Variants in PRKG1 observed in about 807,000 individuals in gnomAD.
PRKG1 encodes protein kinase cGMP-dependent 1.
In PRKG1, 35 loss-of-function variants were observed where a neutral mutation model predicts 88.1. The observed-to-expected ratio is 0.40, with a 90% CI of 0.30 to 0.53. The LOEUF (loss-of-function observed/expected upper bound fraction) is 0.53. Among genes scored for constraint, PRKG1 ranks in the 20% least tolerant of loss-of-function variants. The pLI is 0.59. For missense variants in PRKG1, 540 were observed against 839.8 expected, an observed-to-expected ratio of 0.64 and a Z score of 4.41; for synonymous variants, 303 against 292.5, an observed-to-expected ratio of 1.04 and a Z score of -0.37.
intron 3 of PRKG1, among the ~76,000 whole-genome samples, chr10:51,789,075 G>A (rs1359544249): frequency 2.0e-5 from 3 of 152,138 alleles, no homozygotes; most frequent in African/African-American, 7.2e-5. Flanking sequence ...ACTTTTTAAA[G>A]ATGTTTGCTT....
intron 7 of PRKG1, chr10:52,062,859 A>G: frequency 1.4e-6 from 1 of 703,870 alleles, no homozygotes; most frequent in Non-Finnish European, 2.6e-6. Flanking sequence ...TGTTATATTA[A>G]TTGGAAACAT....
chr10:52,024,663 C>A (rs556405642), intron 5 of PRKG1, among the ~76,000 whole-genome samples: 3 of 152,200 alleles, frequency 2.0e-5, no homozygotes, highest in Non-Finnish European at 2.9e-5. Context: ...ATGAACTCAT[C>A]CTTTTTTATG....
intron 2 of PRKG1, among the ~76,000 whole-genome samples, chr10:51,242,401 G>T (rs1220738442): frequency 6.6e-6 from 1 of 152,152 alleles, no homozygotes; most frequent in East Asian, 1.9e-4. Flanking sequence ...ATATTAGATT[G>T]GATAGGGTAT....
chr10:51,769,905 G>A (rs1374670503), intron 3 of PRKG1, among the ~76,000 whole-genome samples: 1 of 152,324 alleles, frequency 6.6e-6, no homozygotes, highest in South Asian at 2.1e-4. Flanking sequence ...TTTTAAGAAA[G>A]TTAATGAATT....
intron 3 of PRKG1, among the ~76,000 whole-genome samples, chr10:51,699,743 C>T (rs1171620190): frequency 6.6e-6 from 1 of 152,216 alleles, no homozygotes; most frequent in Admixed American, 6.5e-5. Flanking sequence ...GTCCCTGATC[C>T]TTCATGGTTC....
At chr10:52,115,871 A>C (rs1413107967) in intron 7 of PRKG1, among the ~76,000 whole-genome samples, 2 of 152,070 alleles carry the variant, frequency 1.3e-5, no homozygotes, top group East Asian at 3.9e-4. Flanking sequence ...GTTAAATTTG[A>C]ATTTTAGATA....
At chr10:51,907,702 A>C in intron 5 of PRKG1, 132 bp downstream of exon 5, 1 of 690,064 alleles carries the variant, frequency 1.4e-6, no homozygotes, top group Non-Finnish European at 2.4e-6. Context: ...GGGATGAGCT[A>C]TATATTTGGC....
chr10:51,089,268 A>G (rs193185308), intron 1 of PRKG1, among the ~76,000 whole-genome samples: 5 of 152,328 alleles, frequency 3.3e-5, no homozygotes, highest in Admixed American at 3.3e-4. Context: ...AGATAGACTG[A>G]TTGCTAATAA....
At chr10:52,057,729 T>C (rs538716153) in intron 6 of PRKG1, among the ~76,000 whole-genome samples, 1 of 152,308 alleles carries the variant, frequency 6.6e-6, no homozygotes, top group Admixed American at 6.5e-5. Context: ...CTTTGCTTCA[T>C]AAAGTTAACA....
At position 51,362,633 on chromosome 10, in the gene PRKG1, T is replaced by A. The variant is rs190318334; in HGVS notation, c.479-105090T>A. On this transcript the variant is annotated intron_variant, in intron 2 of 17. Transcript: ENST00000373980. Reference sequence around the variant, plus strand: ...AAAAACATTGAAACTGTATTTTTTTTATTTATTTATTATACTTTAAGTTCT... The same window carrying A: ...AAAAACATTGAAACTGTATTTTTTTAATTTATTTATTATACTTTAAGTTCT... 2.0e-3 allele frequency among the ~76,000 whole-genome samples: 307 copies of A among 151,974 alleles called. 1 individual carries two copies. Among genetic ancestry groups the A allele is most frequent in the African/African-American group, 7.0e-3 (289 of 41,504 alleles).
intron 5 of PRKG1, among the ~76,000 whole-genome samples, chr10:52,000,080 T>C (rs2133147202): frequency 6.6e-6 from 1 of 152,184 alleles, no homozygotes; most frequent in Non-Finnish European, 1.5e-5. Flanking sequence ...TAAAGTTCAC[T>C]CACACCCTTT....
chr10:51,081,774 G>A (rs1844118099), intron 1 of PRKG1, among the ~76,000 whole-genome samples: 1 of 152,180 alleles, frequency 6.6e-6, no homozygotes, highest in African/African-American at 2.4e-5. Flanking sequence ...GATTGATTGA[G>A]ACAGGTTCTT....
At chr10:51,681,929 C>T (rs775727794) in intron 3 of PRKG1, among the ~76,000 whole-genome samples, 7 of 152,174 alleles carry the variant, frequency 4.6e-5, no homozygotes, top group South Asian at 2.1e-4. Context: ...GATATATGTG[C>T]GCTATATATA....
intron 3 of PRKG1, among the ~76,000 whole-genome samples, chr10:51,664,044 G>A (rs1235367066): frequency 6.6e-6 from 1 of 151,920 alleles, no homozygotes; most frequent in African/African-American, 2.4e-5. Context: ...TTTGTAAATT[G>A]AAATAGAGAT....
At chr10:51,845,382 T>C (rs192789734) in intron 4 of PRKG1, among the ~76,000 whole-genome samples, 7 of 152,288 alleles carry the variant, frequency 4.6e-5, no homozygotes, top group Middle Eastern at 3.4e-3. Context: ...ATCAATATTA[T>C]ATTTTGTGCT....
At chr10:52,131,815 T>TAAA (rs1837268352) in intron 7 of PRKG1, among the ~76,000 whole-genome samples, 1 of 5,050 alleles carries the variant, frequency 2.0e-4, no homozygotes. Context: ...CGAAACTCCA[T>TAAA]CAAAAAAAAA....
intron 3 of PRKG1, among the ~76,000 whole-genome samples, chr10:51,799,095 CTG>C (rs1839095483): frequency 1.3e-5 from 2 of 151,986 alleles, no homozygotes; most frequent in Admixed American, 1.3e-4. Context: ...ATCTCTGTCC[CTG>C]TCTTGGTCTC....
chr10:51,998,961 T>C (rs945286425), intron 5 of PRKG1, among the ~76,000 whole-genome samples: 2 of 152,208 alleles, frequency 1.3e-5, no homozygotes, highest in East Asian at 3.9e-4. Flanking sequence ...GTGCTGCTTT[T>C]GTCTATAAAG....
rs1260324756 is a variant in PRKG1, at chr10:52,280,784, C to T, written c.1404-5C>T. ...TACAATTTTCATTCCATTTCTGCAC[C>T]TCAGAGGTTCGTTTGAAGATTCTAC... On this transcript the variant is annotated splice_region_variant and splice_polypyrimidine_tract_variant and intron_variant, in intron 12 of 17. Transcript: ENST00000373980. The T allele has an allele frequency of 6.2e-7, 1 of 1,611,488 alleles. No individual in the cohort carries two copies. Among genetic ancestry groups the T allele is most frequent in the Non-Finnish European group, 8.5e-7 (1 of 1,178,528 alleles).
Sources: gnomAD v4.1 joint callset for allele counts (sites outside exome capture counted in the v4.1 genomes callset) on GRCh38, gnomAD v4.1.1 for gene constraint, MANE v1.5 for transcripts, NCBI Gene and HGNC (gene_info 2026-07-23, HGNC 2026-07-21) for gene names.